Variants in ZC3H11B observed in about 807,000 individuals in gnomAD.
The protein encoded by ZC3H11B is zinc finger CCCH domain-containing protein 11B.
In ZC3H11B, 3 loss-of-function variants were observed where a neutral mutation model predicts 34.0. The ratio of observed to expected loss-of-function variants is 0.09; its 90% confidence interval spans 0.04 to 0.23. ZC3H11B has a LOEUF of 0.23. Among genes scored for constraint, ZC3H11B ranks in the 10% least tolerant of loss-of-function variants. ZC3H11B has a pLI of 1.00. For synonymous variants in ZC3H11B, 33 were observed against 250.1 expected (o/e 0.13, Z 8.19); for missense variants, 99 against 660.1 (o/e 0.15, Z 9.31).
exon 2 of ZC3H11B, chr1:219,608,619 C>A (rs1252383858): frequency 6.6e-6 from 1 of 152,046 alleles, no homozygotes; most frequent in Non-Finnish European, 1.5e-5. Context: ...ATACAATACA[C>A]CCCCAGAGCA....
At chr1:219,608,138 T>C (rs1219444381) in exon 2 of ZC3H11B, among the ~76,000 whole-genome samples, 9 of 152,048 alleles carry the variant, frequency 5.9e-5, no homozygotes, top group Admixed American at 5.2e-4. Flanking sequence ...ACCTGAACAT[T>C]CTACCCCTGC....
At chr1:219,611,455 T>A (rs1572432691) in exon 2 of ZC3H11B, 1 of 744,038 alleles carries the variant, frequency 1.3e-6, no homozygotes, top group African/African-American at 2.0e-5. Context: ...TTGCTTTATA[T>A]TGACTGCAGG....
exon 2 of ZC3H11B, chr1:219,608,921 C>T (rs1343564432): frequency 6.6e-6 from 1 of 152,520 alleles, no homozygotes; most frequent in African/African-American, 2.4e-5. Flanking sequence ...TCCAGGGAAT[C>T]CCAGAAATAG....
At chr1:219,608,312 C>G (rs1224159452) in exon 2 of ZC3H11B, 1 of 152,634 alleles carries the variant, frequency 6.6e-6, no homozygotes. Flanking sequence ...ATATTCCCAA[C>G]AAGGCTACTT....
exon 2 of ZC3H11B, among the ~76,000 whole-genome samples, chr1:219,608,036 A>T (rs3855592): frequency 0.51 from 76,673 of 151,544 alleles, 19,807 homozygotes; most frequent in East Asian, 0.64. Flanking sequence ...TTTATTTTTT[A>T]AAAAAGCAAA....
At chr1:219,608,224 G>A (rs2785992) in exon 2 of ZC3H11B, 19 of 152,620 alleles carry the variant, frequency 1.2e-4, no homozygotes, top group Non-Finnish European at 2.6e-4. Context: ...CATAAATTTC[G>A]AGTCATTTTT....
chr1:219,608,604 C>G (rs1667951971), exon 2 of ZC3H11B: 1 of 151,980 alleles, frequency 6.6e-6, no homozygotes, highest in Non-Finnish European at 1.5e-5. Context: ...AGAAAACTGG[C>G]AGGTATACAA....
chr1:219,608,610 T>C (rs1186753138), exon 2 of ZC3H11B: 2 of 152,136 alleles, frequency 1.3e-5, no homozygotes, highest in Non-Finnish European at 2.9e-5. Context: ...CTGGCAGGTA[T>C]ACAATACACC....
exon 2 of ZC3H11B, among the ~76,000 whole-genome samples, chr1:219,608,113 A>G (rs527646281): frequency 1.3e-5 from 2 of 152,268 alleles, no homozygotes; most frequent in East Asian, 3.9e-4. Context: ...AAATAAGTAG[A>G]AAATCCGTGG....
chr1:219,608,953 CT>C (rs1010532837), exon 2 of ZC3H11B: 4 of 152,166 alleles, frequency 2.6e-5, no homozygotes, highest in African/African-American at 7.3e-5. Flanking sequence ...CAGGGGACCC[CT>C]GAGGCACTTT....
At chr1:219,609,061 T>G (rs1215405316) in exon 2 of ZC3H11B, 2 of 160,180 alleles carry the variant, frequency 1.2e-5, no homozygotes, top group Non-Finnish European at 2.8e-5. Flanking sequence ...CAAAGAGTTA[T>G]GCCCACATTA....
At chr1:219,609,818 A>T in exon 2 of ZC3H11B, 1 of 1,613,300 alleles carries the variant, frequency 6.2e-7, no homozygotes, top group Non-Finnish European at 8.5e-7. Context: ...CTCATTTGGG[A>T]TGAGGAAGGG....
In ZC3H11B at chr1:219,611,845, G is replaced by T. The variant is rs1668005356; in HGVS notation, c.218C>A (p.Thr73Lys). The change falls in exon 2 of 2, where the codon ACA becomes AAA. Residue 73 changes from threonine (T) to lysine (K), a missense_variant. Thr to Lys is a moderately conservative substitution (Grantham distance 78). Coordinates refer to ENST00000651890, the Ensembl canonical transcript of ZC3H11B. ...AACGCAGTTTAATTTTTGACATCCT[G>T]TTGGCTGATTTTCCCAATAACAAGG... The T allele has an allele frequency of 5.5e-6, 6 of 1,098,914 alleles. 2 individuals carry two copies. The East Asian group carries it at 1.5e-4, about 28-fold the overall frequency. 68.1% of individuals were successfully genotyped at this position (1,098,914 alleles called of 1,614,324 possible).
exon 2 of ZC3H11B, chr1:219,611,100 T>G: frequency 6.3e-7 from 1 of 1,591,262 alleles, no homozygotes; most frequent in Middle Eastern, 1.7e-4. Flanking sequence ...CTTTCTTTGG[T>G]GTTTCGTCAG....
rs555530976 is a variant in ZC3H11B at position 219,609,862 on chromosome 1, G to C, written c.2201C>G (p.Ser734Cys). Residue 734 changes from serine to cysteine, a missense_variant, in exon 2 of 2, where the codon TCC becomes TGC. Ser to Cys is a moderately radical substitution (Grantham distance 112, BLOSUM62 -1). Transcript: ENST00000651890. ...CTCCGGGGGTGAGGAATCTGAAGAG[G>C]ACTGGGTTGGAGGCAGCACAAGACT... is the stretch of plus-strand genomic sequence containing the variant. The C allele has an allele frequency of 2.9e-3, 4,612 of 1,611,912 alleles. No homozygotes were observed. The African/African-American group carries it at 0.057, about 20-fold the overall frequency.
chr1:219,611,600 C>T, exon 2 of ZC3H11B: 2 of 1,335,570 alleles, frequency 1.5e-6, no homozygotes, highest in South Asian at 1.2e-5. Context: ...TTAATTACAA[C>T]TGGTGGATGC....
exon 2 of ZC3H11B, chr1:219,610,611 C>A: frequency 4.1e-6 from 3 of 736,920 alleles, no homozygotes. Context: ...TCTGCTGCAC[C>A]CTCAGTGCCT....
exon 2 of ZC3H11B, chr1:219,609,834 C>A: frequency 1.2e-6 from 2 of 1,613,968 alleles, no homozygotes; most frequent in African/African-American, 1.3e-5. Flanking sequence ...AAGGGCCAGA[C>A]ACCTCCGGGG....
intron 1 of ZC3H11B, 170 bp from the exon 2 acceptor site, chr1:219,612,733 C>G (rs1269900410): frequency 1.1e-5 from 3 of 283,862 alleles, no homozygotes; most frequent in African/African-American, 8.6e-5. Context: ...GGTCCAGAAC[C>G]TTGAGATGGC....
Sources: gnomAD v4.1 joint callset for allele counts (sites outside exome capture counted in the v4.1 genomes callset) on GRCh38, gnomAD v4.1.1 for gene constraint, MANE v1.5 for transcripts, NCBI Gene and HGNC (gene_info 2026-07-23, HGNC 2026-07-21) for gene names.